The following NPTX1 variants were observed in gnomAD, a reference collection of about 807,000 sequenced individuals.
NPTX1 encodes the protein neuronal pentraxin-1.
Under a neutral mutation model 38.7 loss-of-function variants are expected in NPTX1, and 12 were observed. That is an observed-to-expected ratio of 0.31 (90% CI 0.20 to 0.50). The LOEUF is 0.50. Among genes scored for constraint, NPTX1 ranks in the 20% least tolerant of loss-of-function variants. NPTX1 has a pLI of 0.98. For synonymous variants in NPTX1, 272 were observed against 264.9 expected (o/e 1.03, Z -0.26); for missense variants, 454 against 592.2 (o/e 0.77, Z 2.42).
chr17:80,473,538 G>T, intron 2 of NPTX1, 94 bp from the exon 3 acceptor site: 3 of 1,277,920 alleles, frequency 2.3e-6, no homozygotes, highest in East Asian at 2.3e-5. Context: ...GTGATGCGTG[G>T]CCAGGGCAGG....
chr17:80,474,821 C>T (rs2083868899), intron 2 of NPTX1: 1 of 140,284 alleles, frequency 7.1e-6, no homozygotes, highest in Non-Finnish European at 1.6e-5. Flanking sequence ...TCCCCTTTTA[C>T]AACCTTGTTT....
Position 80,475,948 on chromosome 17 carries a change from G to C in NPTX1, c.444+55C>G. On this transcript the variant is annotated intron_variant, in intron 1 of 4. Transcript: ENST00000306773. The surrounding 1 kb of genome is among the most constrained non-coding windows in gnomAD (Gnocchi z 6.5). Reference sequence around the variant, plus strand: ...GCCGGGTAGGGAACGGGGTGGGGGAGGGCAGAGGGGCGAGCGAGCCGGAGG... The same window carrying C: ...GCCGGGTAGGGAACGGGGTGGGGGACGGCAGAGGGGCGAGCGAGCCGGAGG... 7.0e-7 allele frequency: 1 copy of C among 1,435,574 alleles called. No homozygotes were observed. The highest frequency in any genetic ancestry group is 9.7e-7 in the Non-Finnish European group (1 of 1,031,856). 88.9% of individuals were successfully genotyped at this position (1,435,574 alleles called of 1,614,324 possible).
At position 80,471,906 on chromosome 17, in the gene NPTX1, G is replaced by C. The variant is rs2083844621; in HGVS notation, c.903C>G (p.Ala301=). 1 of 1,610,750 alleles carries C rather than the reference G, an allele frequency of 6.2e-7. No homozygotes were observed. Among genetic ancestry groups the C allele is most frequent in the Admixed American group, 1.7e-5 (1 of 59,826 alleles). ...CATCATTGATGACAAAAGGCAACTTGGCCACCTGGGAAGGAGAATGACAGA... is the reference window on the plus strand; with the variant it reads ...CATCATTGATGACAAAAGGCAACTTCGCCACCTGGGAAGGAGAATGACAGA... ...PMEILINDKV[A]KLPFVINDGK... The change falls in exon 4 of 5, where the codon GCC becomes GCG. Residue 301 remains alanine, a synonymous_variant. Coordinates refer to ENST00000306773, the MANE Select transcript of NPTX1 (RefSeq NM_002522.4).
rs1220462641 is a variant in NPTX1 at position 80,468,877 on chromosome 17, A to C, written c.*1936T>G. The C allele has an allele frequency of 6.6e-6, 1 of 152,312 alleles. No homozygotes were observed. Among genetic ancestry groups the C allele is most frequent in the African/African-American group, 2.4e-5 (1 of 41,462 alleles). The allele number at this position is 152,312 out of a possible 1,614,324, so 9.4% of individuals were successfully genotyped here. On this transcript the variant is annotated 3_prime_UTR_variant, in exon 5 of 5. Transcript: ENST00000306773. Reference sequence around the variant, plus strand: ...CACCCCGAGGAACATGCAAACGGAGAAGATCCCTGCAGATCCAAGGATGCC... The same window carrying C: ...CACCCCGAGGAACATGCAAACGGAGCAGATCCCTGCAGATCCAAGGATGCC...
Position 80,470,220 on chromosome 17 carries a change from C to A in NPTX1, c.*593G>T, listed in dbSNP as rs183288559. 3 of 152,272 alleles carry A rather than the reference C, an allele frequency of 2.0e-5. No homozygotes were observed. Among genetic ancestry groups the A allele is most frequent in the East Asian group, 1.9e-4 (1 of 5,196 alleles). 9.4% of individuals were successfully genotyped at this position (152,272 alleles called of 1,614,324 possible). A position where few individuals can be genotyped will look rare whatever the true frequency, so the allele number is the denominator to read the frequency against. On this transcript the variant is annotated 3_prime_UTR_variant, in exon 5 of 5. Coordinates refer to ENST00000306773, the MANE Select transcript of NPTX1 (RefSeq NM_002522.4). ...TCACTTCTATTACAAAATAAAAATT[C>A]TCTGTAGAGAGCCCCCGCCCCCGGC...
Position 80,471,726 on chromosome 17 carries a change from C to A in NPTX1, c.1077+6G>T. 1 of 1,610,598 alleles carries A rather than the reference C, an allele frequency of 6.2e-7. No individual in the cohort carries two copies. The highest frequency in any genetic ancestry group is 1.7e-5 in the Admixed American group (1 of 59,884). ...CTCCCCTTCCCCACCACATCCAGCA[C>A]AGTACCTGCTCCTGGCCCAGCACCA... On this transcript the variant is annotated splice_donor_region_variant and intron_variant, in intron 4 of 4. Transcript: ENST00000306773.
chr17:80,472,523 C>T lies in NPTX1; in HGVS notation c.898-612G>A, dbSNP rs560542877. ...GAGGAAAGAAACTTCACACCCTTTC[C>T]GCTTGGGGAAAGGGGGCCCAGAATG... On this transcript the variant is annotated intron_variant, in intron 3 of 4. Coordinates refer to ENST00000306773, the MANE Select transcript of NPTX1 (RefSeq NM_002522.4). Among the ~76,000 whole-genome samples the T allele has an allele frequency of 6.7e-3, 1,016 of 152,274 alleles. 10 individuals are homozygous for T. The highest frequency in any genetic ancestry group is 9.2e-3 in the African/African-American group (382 of 41,552).
rs1225034151 is a variant in NPTX1, at chr17:80,469,844, G to A, written c.*969C>T. ...GCACTGCCGGAGGCCAAAGGAGAGG[G>A]GTGCTGGGGCCCGGCTTCCCGGGCT... is the stretch of plus-strand genomic sequence containing the variant. On this transcript the variant is annotated 3_prime_UTR_variant, in exon 5 of 5. Coordinates refer to ENST00000306773, the MANE Select transcript of NPTX1 (RefSeq NM_002522.4). 2 of 152,414 alleles carry A rather than the reference G, an allele frequency of 1.3e-5. No homozygotes were observed. The highest frequency in any genetic ancestry group is 2.4e-5 in the African/African-American group (1 of 41,472). 9.4% of individuals were successfully genotyped at this position (152,414 alleles called of 1,614,324 possible). A position where few individuals can be genotyped will look rare whatever the true frequency, so the allele number is the denominator to read the frequency against.
In NPTX1 at chr17:80,470,777, G is replaced by A. The variant is rs142488694; in HGVS notation, c.*36C>T. 11 of 1,389,522 alleles carry A rather than the reference G, an allele frequency of 7.9e-6. No individual in the cohort carries two copies. In the South Asian group the frequency reaches 1.4e-4, roughly 18 times the overall value. The allele number at this position is 1,389,522 out of a possible 1,614,324, so 86.1% of individuals were successfully genotyped here. On this transcript the variant is annotated 3_prime_UTR_variant, in exon 5 of 5. Coordinates refer to ENST00000306773, the MANE Select transcript of NPTX1 (RefSeq NM_002522.4). Reference sequence around the variant, plus strand: ...ACAGATCATCGCCGCACAAGCAGGGGGCGAGGGCGGGCGGGCTCAGCCTGG... The same window carrying A: ...ACAGATCATCGCCGCACAAGCAGGGAGCGAGGGCGGGCGGGCTCAGCCTGG...
chr17:80,476,354 G>C lies in NPTX1; in HGVS notation c.93C>G (p.Ile31Met), dbSNP rs1377284971. ...CGGCGTCCACGGGCACCGAGGTGCA[G>C]ATGAAGCGCGTCGGCCCGAAATCCT... ...GAQDFGPTRF[I>M]CTSVPVDADM... Residue 31 changes from isoleucine to methionine, a missense_variant, in exon 1 of 5, where the codon ATC becomes ATG. Physicochemically the swap from Ile to Met is conservative, Grantham distance 10. Around this residue, in one of 4 missense-constraint regions of NPTX1, gnomAD observed 288 missense variants for 318.4 expected, o/e 0.90. Coordinates refer to ENST00000306773, the MANE Select transcript of NPTX1 (RefSeq NM_002522.4). The surrounding 1 kb of genome is among the most constrained non-coding windows in gnomAD (Gnocchi z 6.3). 1 of 1,530,844 alleles carries C rather than the reference G, an allele frequency of 6.5e-7. No homozygotes were observed. 94.8% of individuals were successfully genotyped at this position (1,530,844 alleles called of 1,614,324 possible).
chr17:80,475,965 A>G lies in NPTX1; in HGVS notation c.444+38T>C. On this transcript the variant is annotated intron_variant, in intron 1 of 4. Coordinates refer to ENST00000306773, the MANE Select transcript of NPTX1 (RefSeq NM_002522.4). The surrounding 1 kb of genome is among the most constrained non-coding windows in gnomAD (Gnocchi z 6.5). The stretch of plus-strand genomic sequence containing the variant: ...GTGGGGGAGGGCAGAGGGGCGAGCG[A>G]GCCGGAGGGGGAACCGGAGCCGAGG... 6.6e-7 allele frequency: 1 copy of G among 1,507,774 alleles called. No homozygotes were observed. Among genetic ancestry groups the G allele is most frequent in the Non-Finnish European group, 9.1e-7 (1 of 1,094,962 alleles). 93.4% of individuals were successfully genotyped at this position (1,507,774 alleles called of 1,614,324 possible).
rs1374310563 is a variant in NPTX1, at chr17:80,473,360, C to G, written c.737G>C (p.Ser246Thr). The G allele has an allele frequency of 1.5e-5, 24 of 1,613,952 alleles. No individual in the cohort carries two copies. The highest frequency in any genetic ancestry group is 1.9e-5 in the Non-Finnish European group (22 of 1,179,992). The change falls in exon 3 of 5, where the codon AGC becomes ACC. Residue 246 changes from serine to threonine, a missense_variant. Physicochemically the swap from Ser to Thr is moderately conservative, Grantham distance 58 (BLOSUM62 1). Around this residue, in one of 4 missense-constraint regions of NPTX1, gnomAD observed 110 missense variants for 197.5 expected, o/e 0.56. Coordinates refer to ENST00000306773, the MANE Select transcript of NPTX1 (RefSeq NM_002522.4). ...AGTGAAGGCGTACATCTCTGGCAGG[C>G]TCTTCTTCACCTTGGCATACATATA... is the stretch of plus-strand genomic sequence containing the variant. ...TNYMYAKVKK[S>T]LPEMYAFTVC...
intron 4 of NPTX1, 72 bp downstream of exon 4, chr17:80,471,660 T>C: frequency 6.5e-7 from 1 of 1,544,160 alleles, no homozygotes; most frequent in Non-Finnish European, 8.7e-7. Context: ...CCCTCCCTCC[T>C]TGCTCCTCTT....
In NPTX1 at chr17:80,470,163, A is replaced by G; in HGVS notation, c.*650T>C. ...ACGGGAGAGCACAGGGTACCATCCC[A>G]GGACGGCCTGCCTTCACCCTTCAGA... is the stretch of plus-strand genomic sequence containing the variant. On this transcript the variant is annotated 3_prime_UTR_variant, in exon 5 of 5. Transcript: ENST00000306773. 6.6e-6 allele frequency: 1 copy of G among 152,272 alleles called. No homozygotes were observed. The highest frequency in any genetic ancestry group is 1.5e-5 in the Non-Finnish European group (1 of 68,060). The allele number at this position is 152,272 out of a possible 1,614,324, so 9.4% of individuals were successfully genotyped here. A position where few individuals can be genotyped will look rare whatever the true frequency, so the allele number is the denominator to read the frequency against.
intron 2 of NPTX1, chr17:80,473,790 A>T (rs1406151165): frequency 3.2e-6 from 1 of 309,988 alleles, no homozygotes; most frequent in Non-Finnish European, 6.1e-6. Context: ...ACAGCCGCCA[A>T]GCCAAGTCAA....
chr17:80,471,768 G>A lies in NPTX1; in HGVS notation c.1041C>T (p.Ile347=), dbSNP rs34937624. ...CCAGCACCAGCACGCCCTGGGGCTT[G>A]ATGGGGTGATAGGGCGCCAAGTTCT... ...SGENLAPYHP[I]KPQGVLVLGQ... The change falls in exon 4 of 5, where the codon ATC becomes ATT. Residue 347 remains isoleucine (I), a synonymous_variant. Coordinates refer to ENST00000306773, the MANE Select transcript of NPTX1 (RefSeq NM_002522.4). The A allele has an allele frequency of 5.4e-3, 8,773 of 1,613,138 alleles. 454 individuals are homozygous for A. In the African/African-American group the frequency reaches 0.1, roughly 19 times the overall value.
At chr17:80,473,067 G>C in intron 3 of NPTX1, 133 bp downstream of exon 3, 14 of 907,206 alleles carry the variant, frequency 1.5e-5, no homozygotes, top group East Asian at 2.6e-5. Flanking sequence ...CCCTCCCTCA[G>C]TCCCACCTGG....
chr17:80,472,438 C>T (rs1568275008), intron 3 of NPTX1, among the ~76,000 whole-genome samples: 1 of 152,234 alleles, frequency 6.6e-6, no homozygotes, highest in Non-Finnish European at 1.5e-5. Flanking sequence ...AGCCTCCAAC[C>T]TGGAATTTCA....
Position 80,475,627 on chromosome 17 carries a change from G to T in NPTX1, c.536C>A (p.Ser179Tyr). Residue 179 changes from serine to tyrosine, a missense_variant, in exon 2 of 5, where the codon TCC (serine) becomes TAC (tyrosine). Ser to Tyr is a moderately radical substitution (Grantham distance 144). This residue lies in a region of NPTX1 where 288 missense variants were observed against 318.4 expected (regional missense o/e 0.90). Transcript: ENST00000306773. This position sits in a 1 kb window ranked among gnomAD's most constrained non-coding sequence, Gnocchi z 6.5. The part of the protein sequence containing the change: ...KIDELERQVL[S>Y]RVNTLEEGKG... ...GCCCTCCTCCAGGGTGTTCACCCGG[G>T]ACAGCACCTGCCTCTCCAGCTCATC... 6.2e-7 allele frequency: 1 copy of T among 1,612,720 alleles called. No homozygotes were observed. The highest frequency in any genetic ancestry group is 8.5e-7 in the Non-Finnish European group (1 of 1,179,710).
Sources: gnomAD v4.1 joint callset for allele counts (sites outside exome capture counted in the v4.1 genomes callset) on GRCh38, gnomAD v4.1.1 for gene constraint, gnomAD v4.1.1 regional missense constraint, Gnocchi (gnomAD v3.1) non-coding constraint, MANE v1.5 for transcripts, NCBI Gene and HGNC (gene_info 2026-07-23, HGNC 2026-07-21) for gene names.